CTDSPL: variants seen among roughly 807,000 people sequenced by gnomAD.
CTDSPL encodes the protein CTD small phosphatase like.
In CTDSPL, 8 loss-of-function variants were observed where a neutral mutation model predicts 30.5. That is an observed-to-expected ratio of 0.26 (90% confidence interval 0.15 to 0.47). CTDSPL has a LOEUF of 0.47. Ranked by LOEUF, CTDSPL falls within the 20% of genes least tolerant of loss-of-function variation. The pLI is 0.99. For missense variants in CTDSPL, 248 were observed against 366.1 expected (o/e 0.68, Z 2.63); for synonymous variants, 110 against 137.9 (o/e 0.80, Z 1.42).
chr3:37,927,093 A>G (rs963184254), intron 1 of CTDSPL, among the ~76,000 whole-genome samples: 18 of 152,176 alleles, frequency 1.2e-4, no homozygotes, highest in Non-Finnish European at 2.5e-4. Flanking sequence ...ATCTTTTTGA[A>G]TGCTGATATG....
At position 37,931,145 on chromosome 3, in the gene CTDSPL, C is replaced by CT. The variant is rs35669035; in HGVS notation, c.80-15897dup. On this transcript the variant is annotated intron_variant, in intron 1 of 7. Coordinates refer to ENST00000273179, the MANE Select transcript of CTDSPL (RefSeq NM_001008392.2). ...CCCCCTCTATTCAGCTCCTCTTTGT[C>CT]TTTTTTTTTTTTTTTCCTTCGAGAC... 5.5e-3 allele frequency among the ~76,000 whole-genome samples: 762 copies of CT among 139,264 alleles called. 3 individuals are homozygous for CT. Among genetic ancestry groups the CT allele is most frequent in the African/African-American group, 0.016 (601 of 38,002 alleles). The allele number at this position is 139,264 out of a possible 152,430, so 91.4% of individuals were successfully genotyped here. A position where few individuals can be genotyped will look rare whatever the true frequency, so the allele number is the denominator to read the frequency against.
chr3:37,981,515 G>A lies in CTDSPL; in HGVS notation c.*648G>A, dbSNP rs1327865999. 8.5e-6 allele frequency: 2 copies of A among 236,604 alleles called. No individual in the cohort carries two copies. The highest frequency in any genetic ancestry group is 1.7e-5 in the Non-Finnish European group (2 of 116,576). 14.7% of individuals were successfully genotyped at this position (236,604 alleles called of 1,614,324 possible). A position where few individuals can be genotyped will look rare whatever the true frequency, so the allele number is the denominator to read the frequency against. On this transcript the variant is annotated 3_prime_UTR_variant, in exon 8 of 8. Coordinates refer to ENST00000273179, the MANE Select transcript of CTDSPL (RefSeq NM_001008392.2). Reference sequence around the variant, plus strand: ...CTGCAGGGTCAGGCTCCTGATAGGAGGATTTCATGACTATGTCATTGTCTC... The same window carrying A: ...CTGCAGGGTCAGGCTCCTGATAGGAAGATTTCATGACTATGTCATTGTCTC...
chr3:37,931,323 G>GT (rs1341444098), intron 1 of CTDSPL, among the ~76,000 whole-genome samples: 2 of 151,566 alleles, frequency 1.3e-5, no homozygotes, highest in Non-Finnish European at 2.9e-5. Flanking sequence ...AACTTTTTTA[G>GT]TTTTTTTAAA....
chr3:37,900,789 CTTATTT>C (rs1421589645), intron 1 of CTDSPL, among the ~76,000 whole-genome samples: 1 of 151,866 alleles, frequency 6.6e-6, no homozygotes, highest in African/African-American at 2.4e-5. Flanking sequence ...GAACATAATA[CTTATTT>C]TTATTATTAT....
chr3:37,921,972 G>T (rs1204539945), intron 1 of CTDSPL, among the ~76,000 whole-genome samples: 2 of 152,146 alleles, frequency 1.3e-5, no homozygotes, highest in Non-Finnish European at 2.9e-5. Context: ...GGTGGCTCAC[G>T]CCTCTCATCC....
At position 37,902,249 on chromosome 3, in the gene CTDSPL, C is replaced by G; in HGVS notation, c.79+39971C>G. On this transcript the variant is annotated intron_variant, in intron 1 of 7. Transcript: ENST00000273179. ...TTGATGGGTCAGTGGCCATCAGTGTCTATGCCAGCAAGTCATTGCATTTCT... is the reference window on the plus strand; with the variant it reads ...TTGATGGGTCAGTGGCCATCAGTGTGTATGCCAGCAAGTCATTGCATTTCT... 1.3e-5 allele frequency among the ~76,000 whole-genome samples: 2 copies of G among 152,144 alleles called. 1 individual carries two copies. The highest frequency in any genetic ancestry group is 2.9e-5 in the Non-Finnish European group (2 of 68,038).
rs572640088 is a variant in CTDSPL, at chr3:37,970,916, T to G, written c.427-491T>G. Among the ~76,000 whole-genome samples, 3 of 152,254 alleles carry G rather than the reference T, an allele frequency of 2.0e-5. No homozygotes were observed. The East Asian group carries it at 5.8e-4, about 29-fold the overall frequency. On this transcript the variant is annotated intron_variant, in intron 5 of 7. Coordinates refer to ENST00000273179, the MANE Select transcript of CTDSPL (RefSeq NM_001008392.2). The stretch of plus-strand genomic sequence containing the variant: ...GGGCCTGTGCTTCAACCCCAGACCT[T>G]CCTAGTAAGGGGGATGTCCATCCAG...
chr3:37,968,840 G>A (rs947044411), intron 5 of CTDSPL, among the ~76,000 whole-genome samples: 35 of 152,348 alleles, frequency 2.3e-4, no homozygotes, highest in African/African-American at 7.2e-4. Context: ...CATACGATGG[G>A]AAGAATTAAA....
chr3:37,915,324 T>C (rs1239459159), intron 1 of CTDSPL, among the ~76,000 whole-genome samples: 1 of 152,148 alleles, frequency 6.6e-6, no homozygotes, highest in Non-Finnish European at 1.5e-5. Context: ...GGTTTATCCA[T>C]TTAAGATCTT....
chr3:37,872,118 A>C (rs1698078105), intron 1 of CTDSPL, among the ~76,000 whole-genome samples: 1 of 152,136 alleles, frequency 6.6e-6, no homozygotes, highest in Non-Finnish European at 1.5e-5. Context: ...CAGCCTCCTG[A>C]GTAGCTGCGA....
chr3:37,864,706 T>C (rs1196253263), intron 1 of CTDSPL, among the ~76,000 whole-genome samples: 2 of 152,120 alleles, frequency 1.3e-5, no homozygotes, highest in East Asian at 1.9e-4. Context: ...TATCTTCAGA[T>C]GGGCACATAA....
rs1402858924 is a variant in CTDSPL at position 37,862,328 on chromosome 3, C to T, written c.79+50C>T. The T allele has an allele frequency of 2.8e-6, 4 of 1,409,018 alleles. No homozygotes were observed. The Admixed American group carries it at 8.6e-5, about 30-fold the overall frequency. The allele number at this position is 1,409,018 out of a possible 1,614,324, so 87.3% of individuals were successfully genotyped here. ...GGGCTGGGGGCGAGCGCACACCCCG[C>T]GCCGCTGGAGTTCACTGCCGGGCGC... On this transcript the variant is annotated intron_variant, in intron 1 of 7. Coordinates refer to ENST00000273179, the MANE Select transcript of CTDSPL (RefSeq NM_001008392.2). This position sits in a 1 kb window ranked among gnomAD's most constrained non-coding sequence, Gnocchi z 4.3.
rs1699048151 is a variant in CTDSPL, at chr3:37,947,115, C to T, written c.138C>T (p.Phe46=). 6.2e-7 allele frequency: 1 copy of T among 1,613,784 alleles called. No homozygotes were observed. Among genetic ancestry groups the T allele is most frequent in the Non-Finnish European group, 8.5e-7 (1 of 1,180,014 alleles). ...GGAGCCGCAGCATCCTTAGCTCCTTCTTCTGCTGCTTCCGTGATTACAATG... is the reference window on the plus strand; with the variant it reads ...GGAGCCGCAGCATCCTTAGCTCCTTTTTCTGCTGCTTCCGTGATTACAATG... The part of the protein sequence containing the change: ...KQRSRSILSS[F]FCCFRDYNVE... The change falls in exon 2 of 8, where the codon TTC becomes TTT. Residue 46 remains phenylalanine (F), a synonymous_variant. Coordinates refer to ENST00000273179, the MANE Select transcript of CTDSPL (RefSeq NM_001008392.2).
intron 3 of CTDSPL, among the ~76,000 whole-genome samples, chr3:37,961,503 A>T (rs191813443): frequency 6.5e-4 from 99 of 152,286 alleles, no homozygotes; most frequent in African/African-American, 2.1e-3. Flanking sequence ...GCTCACAAAC[A>T]TGAGGCTGGC....
At chr3:37,892,621 C>T (rs938130553) in intron 1 of CTDSPL, among the ~76,000 whole-genome samples, 4 of 151,940 alleles carry the variant, frequency 2.6e-5, no homozygotes, top group Non-Finnish European at 5.9e-5. Flanking sequence ...CTGAAGGTTG[C>T]CAGAGTAGAA....
chr3:37,905,020 C>T (rs1321777979), intron 1 of CTDSPL, among the ~76,000 whole-genome samples: 1 of 152,152 alleles, frequency 6.6e-6, no homozygotes, highest in Admixed American at 6.5e-5. Flanking sequence ...TTTGACCCCC[C>T]GCTGCCTCTC....
At chr3:37,910,778 A>G (rs1175924798) in intron 1 of CTDSPL, among the ~76,000 whole-genome samples, 1 of 152,244 alleles carries the variant, frequency 6.6e-6, no homozygotes, top group African/African-American at 2.4e-5. Flanking sequence ...TCTTTGTCCC[A>G]GGGAAACACA....
chr3:37,923,123 A>T (rs746067572), intron 1 of CTDSPL, among the ~76,000 whole-genome samples: 4 of 152,218 alleles, frequency 2.6e-5, no homozygotes, highest in Non-Finnish European at 4.4e-5. Flanking sequence ...GAAACCTGTA[A>T]TCAGACTGTT....
intron 7 of CTDSPL, among the ~76,000 whole-genome samples, chr3:37,976,556 C>G (rs1457785946): frequency 6.6e-6 from 1 of 150,918 alleles, no homozygotes; most frequent in African/African-American, 2.4e-5. Flanking sequence ...CACTTGAACC[C>G]GGGAGGCGGA....
Sources: gnomAD v4.1 joint callset for allele counts (sites outside exome capture counted in the v4.1 genomes callset) on GRCh38, gnomAD v4.1.1 for gene constraint, Gnocchi (gnomAD v3.1) non-coding constraint, MANE v1.5 for transcripts, NCBI Gene and HGNC (gene_info 2026-07-23, HGNC 2026-07-21) for gene names.